PEX5: variants seen among roughly 807,000 people sequenced by gnomAD.
The protein encoded by PEX5 is PTS1 receptor.
A neutral mutation model predicts 82.9 loss-of-function variants in PEX5; 52 were observed. That is an observed-to-expected ratio of 0.63 (90% CI 0.50 to 0.79). PEX5 has a LOEUF of 0.79. Among genes scored for constraint, PEX5 ranks in the 30% least tolerant of loss-of-function variants. PEX5 has a pLI of 0.00. For synonymous variants in PEX5, 300 were observed against 318.8 expected (o/e 0.94, Z 0.63); for missense variants, 719 against 815.2 (o/e 0.88, Z 1.44).
chr12:7,207,839 T>G, intron 11 of PEX5, 37 bp downstream of exon 11: 2 of 1,611,540 alleles, frequency 1.2e-6, no homozygotes, highest in Non-Finnish European at 8.5e-7. Flanking sequence ...GGCTAGAGAC[T>G]GCTTCCTCCA....
intron 10 of PEX5, among the ~76,000 whole-genome samples, chr12:7,207,359 A>G (rs1944929133): frequency 1.3e-5 from 2 of 152,180 alleles, no homozygotes; most frequent in South Asian, 4.1e-4. Context: ...TGAGAAGTCA[A>G]GGTGTGGGAA....
chr12:7,196,456 G>C (rs1455728941), intron 5 of PEX5, among the ~76,000 whole-genome samples: 1 of 135,834 alleles, frequency 7.4e-6, no homozygotes, highest in African/African-American at 2.7e-5. Flanking sequence ...ATAATTATGT[G>C]TCATATATAA....
rs374590365 is a variant in PEX5 at position 7,190,440 on chromosome 12, C to T, written c.63C>T (p.Ala21=). The T allele has an allele frequency of 2.5e-5, 41 of 1,614,066 alleles. No homozygotes were observed. The Admixed American group carries it at 4.5e-4, about 18-fold the overall frequency. ...GTGCCAACCCGCTCATGAAGCTCGC[C>T]GGGCACTTCACCCAGGACAAGGCCC... is the stretch of plus-strand genomic sequence containing the variant. The part of the protein sequence containing the change: ...CGGANPLMKL[A]GHFTQDKALR... Residue 21 remains alanine (A), a synonymous_variant, in exon 2 of 16, where the codon GCC becomes GCT. Coordinates refer to ENST00000675855, the MANE Select transcript of PEX5 (RefSeq NM_001351132.2).
chr12:7,201,981 T>G, intron 7 of PEX5, 140 bp downstream of exon 7: 1 of 764,672 alleles, frequency 1.3e-6, no homozygotes, highest in Non-Finnish European at 2.3e-6. Context: ...GAACAGAGAC[T>G]TAAGATCCTG....
At chr12:7,203,595 CT>C (rs1311449189) in intron 10 of PEX5, 44 bp downstream of exon 10, 1 of 1,581,962 alleles carries the variant, frequency 6.3e-7, no homozygotes, top group Admixed American at 1.8e-5. Context: ...GAACTTCCTT[CT>C]TTTTAACGTC....
intron 6 of PEX5, among the ~76,000 whole-genome samples, chr12:7,200,982 A>G (rs1358264851): frequency 6.6e-6 from 1 of 152,146 alleles, no homozygotes; most frequent in Non-Finnish European, 1.5e-5. Context: ...CTGTGAATTT[A>G]TGGTTGAAAT....
intron 3 of PEX5, 76 bp from the exon 4 acceptor site, chr12:7,191,150 C>A: frequency 6.6e-7 from 1 of 1,515,722 alleles, no homozygotes; most frequent in South Asian, 1.1e-5. Context: ...ACATTGGGAT[C>A]CCCCTCCAGT....
chr12:7,212,213 C>A (rs1406265329), downstream of PEX5, among the ~76,000 whole-genome samples: 1 of 151,896 alleles, frequency 6.6e-6, no homozygotes, highest in Admixed American at 6.6e-5. Context: ...AATCCACCCA[C>A]CTCGGCCTCC....
chr12:7,190,866 C>CATCT (rs767921538), intron 2 of PEX5, 22 bp from the exon 3 acceptor site: 1 of 1,610,480 alleles, frequency 6.2e-7, no homozygotes, highest in South Asian at 1.1e-5. Context: ...CGTCATTGTA[C>CATCT]ATCTCTGTCT....
chr12:7,215,971 A>G (rs928877244), downstream of PEX5, among the ~76,000 whole-genome samples: 22 of 152,144 alleles, frequency 1.4e-4, no homozygotes, highest in Non-Finnish European at 2.2e-4. Flanking sequence ...TAAATTAAAA[A>G]AAAATTTTTT....
Position 7,199,029 on chromosome 12 carries a change from C to T in PEX5, c.467C>T (p.Pro156Leu), listed in dbSNP as rs1449684950. The T allele has an allele frequency of 6.2e-7, 1 of 1,605,288 alleles. No homozygotes were observed. The highest frequency in any genetic ancestry group is 1.1e-5 in the South Asian group (1 of 89,798). ...CTTGCAGACCCCTTGTCTGTGTCCC[C>T]TGCCCGCTGGGCTGAGGAATATTTG... The part of the protein sequence containing the change: ...SEVTDPLSVS[P>L]ARWAEEYLEQ... Residue 156 changes from proline to leucine, a missense_variant, in exon 6 of 16, where the codon CCT (proline) becomes CTT (leucine). Transcript: ENST00000675855.
At chr12:7,202,863 T>C (rs1292608587) in intron 9 of PEX5, among the ~76,000 whole-genome samples, 159 bp downstream of exon 9, 1 of 151,964 alleles carries the variant, frequency 6.6e-6, no homozygotes, top group Non-Finnish European at 1.5e-5. Flanking sequence ...TGTTGAAAAA[T>C]GCAGATTTCT....
rs1000364770 is a variant in PEX5 at position 7,211,224 on chromosome 12, C to T, written c.*1001C>T. ...GAAAATCCCCTTCCCCCATCTAGAT[C>T]GAAGGAAGATGAGGGAGCAGCTTGG... is the stretch of plus-strand genomic sequence containing the variant. On this transcript the variant is annotated 3_prime_UTR_variant, in exon 16 of 16. Transcript: ENST00000675855. 3.3e-5 allele frequency: 5 copies of T among 152,500 alleles called. No individual in the cohort carries two copies. The highest frequency in any genetic ancestry group is 4.8e-5 in the African/African-American group (2 of 41,346). 9.4% of individuals were successfully genotyped at this position (152,500 alleles called of 1,614,324 possible).
rs1565688026 is a variant in PEX5 at position 7,197,314 on chromosome 12, C to CATGTCATATACAATGTAATAATT, written c.449-1695_449-1694insGTCATATACAATGTAATAATTAT. The stretch of plus-strand genomic sequence containing the variant: ...TTATATATGTCATATATAATGTAAT[C>CATGTCATATACAATGTAATAATT]ATATGTCATATACAATGTAATAATT... On this transcript the variant is annotated intron_variant, in intron 5 of 15. Coordinates refer to ENST00000675855, the MANE Select transcript of PEX5 (RefSeq NM_001351132.2). Among the ~76,000 whole-genome samples the CATGTCATATACAATGTAATAATT allele has an allele frequency of 6.6e-4, 24 of 36,406 alleles. 1 individual carries two copies. The highest frequency in any genetic ancestry group is 2.2e-3 in the African/African-American group (22 of 9,874). 23.9% of individuals were successfully genotyped at this position (36,406 alleles called of 152,430 possible).
intron 5 of PEX5, among the ~76,000 whole-genome samples, chr12:7,198,060 C>A (rs1015102885): frequency 5.9e-5 from 9 of 151,366 alleles, no homozygotes; most frequent in African/African-American, 2.2e-4. Flanking sequence ...TTTTTTCTGG[C>A]CACAGGATAG....
chr12:7,191,156 C>T (rs1591646679), intron 3 of PEX5, 70 bp from the exon 4 acceptor site: 2 of 1,559,138 alleles, frequency 1.3e-6, no homozygotes, highest in African/African-American at 2.7e-5. Context: ...GGATCCCCCT[C>T]CAGTGGGTCC....
rs778009685 is a variant in PEX5 at position 7,209,800 on chromosome 12, T to C, written c.1678T>C (p.Tyr560His). 1.2e-6 allele frequency: 2 copies of C among 1,614,148 alleles called. No homozygotes were observed. Among genetic ancestry groups the C allele is most frequent in the Non-Finnish European group, 1.7e-6 (2 of 1,180,024 alleles). Residue 560 changes from tyrosine (Y) to histidine (H), a missense_variant, in exon 15 of 16, where the codon TAT becomes CAT. Coordinates refer to ENST00000675855, the MANE Select transcript of PEX5 (RefSeq NM_001351132.2). ...ELQPGYIRSR[Y>H]NLGISCINLG... Reference sequence around the variant, plus strand: ...CCAGCCTGGCTATATCCGGTCCCGCTATAACCTGGGCATCAGCTGCATCAA... The same window carrying C: ...CCAGCCTGGCTATATCCGGTCCCGCCATAACCTGGGCATCAGCTGCATCAA...
Position 7,208,296 on chromosome 12 carries a change from T to C in PEX5, c.1182-161T>C, listed in dbSNP as rs117123444. 0.029 allele frequency among the ~76,000 whole-genome samples: 4,368 copies of C among 152,298 alleles called. 107 individuals are homozygous for C. Among genetic ancestry groups the C allele is most frequent in the Non-Finnish European group, 0.045 (3,045 of 68,006 alleles). On this transcript the variant is annotated intron_variant, in intron 12 of 15. Coordinates refer to ENST00000675855, the MANE Select transcript of PEX5 (RefSeq NM_001351132.2). ...GTTGGCTCCTTGCCTGCTAAAACCTTCCCCTTAGATCTGTAACTTTATTAT... is the reference window on the plus strand; with the variant it reads ...GTTGGCTCCTTGCCTGCTAAAACCTCCCCCTTAGATCTGTAACTTTATTAT...
intron 5 of PEX5, among the ~76,000 whole-genome samples, chr12:7,194,738 A>G (rs778117444): frequency 2.0e-5 from 3 of 152,324 alleles, no homozygotes; most frequent in Admixed American, 2.0e-4. Context: ...GGTTCATATG[A>G]TAATCGTGAG....
Sources: gnomAD v4.1 joint callset for allele counts (sites outside exome capture counted in the v4.1 genomes callset) on GRCh38, gnomAD v4.1.1 for gene constraint, MANE v1.5 for transcripts, NCBI Gene and HGNC (gene_info 2026-07-23, HGNC 2026-07-21) for gene names.